Variants in TBC1D5 observed in about 807,000 individuals in gnomAD.
TBC1D5 encodes TBC1 domain family member 5.
TBC1D5 carries 75 observed loss-of-function variants against 100.3 expected under a neutral mutation model. The ratio of observed to expected loss-of-function variants is 0.75; its 90% CI spans 0.62 to 0.91. The LOEUF (loss-of-function observed/expected upper bound fraction) is 0.91. Among genes scored for constraint, TBC1D5 ranks in the 40% least tolerant of loss-of-function variants. The pLI, the probability that TBC1D5 is intolerant of heterozygous loss-of-function variation, is 0.00. For missense variants in TBC1D5, 910 were observed against 942.4 expected (o/e 0.97, Z 0.45); for synonymous variants, 323 against 325.6 (o/e 0.99, Z 0.09).
intron 16 of TBC1D5, among the ~76,000 whole-genome samples, chr3:17,251,439 A>AG (rs2077177499): frequency 2.6e-5 from 1 of 37,776 alleles, no homozygotes; most frequent in African/African-American, 6.5e-5. Flanking sequence ...CCCCCCCCCC[A>AG]GTAGAAGCGA....
At chr3:17,405,091 A>C (rs1273150301) in intron 5 of TBC1D5, 130 bp from the exon 6 acceptor site, 4 of 463,714 alleles carry the variant, frequency 8.6e-6, no homozygotes, top group Admixed American at 7.7e-5. Flanking sequence ...TCATCATTTC[A>C]ATTCCTACCA....
chr3:17,233,777 G>C (rs2075632064), intron 17 of TBC1D5, 27 bp from the exon 18 acceptor site: 2 of 1,453,128 alleles, frequency 1.4e-6, no homozygotes, highest in South Asian at 1.3e-5. Flanking sequence ...AAAATAATTA[G>C]ATTTCATAAA....
At position 17,512,926 on chromosome 3, in the gene TBC1D5, G is replaced by T. The variant is rs551429580; in HGVS notation, c.-35-4321C>A. Among the ~76,000 whole-genome samples the T allele has an allele frequency of 2.6e-5, 4 of 152,254 alleles. No individual in the cohort carries two copies. In the South Asian group the frequency reaches 8.3e-4, roughly 32 times the overall value. ...TAAAAGTGATCTGTCTGAAAGAAAA[G>T]ACTTCTTCTGCAAATAGTTAATTTT... On this transcript the variant is annotated intron_variant, in intron 2 of 21. Coordinates refer to ENST00000253692, the Ensembl canonical transcript of TBC1D5.
chr3:17,478,307 T>C (rs1375672764), intron 3 of TBC1D5, among the ~76,000 whole-genome samples: 1 of 152,206 alleles, frequency 6.6e-6, no homozygotes, highest in Non-Finnish European at 1.5e-5. Context: ...AATTAGTATC[T>C]GTGAAAAATT....
At chr3:17,543,743 C>T (rs1435450174) in intron 2 of TBC1D5, among the ~76,000 whole-genome samples, 2 of 151,910 alleles carry the variant, frequency 1.3e-5, no homozygotes, top group East Asian at 1.9e-4. Flanking sequence ...ATATTCAGTC[C>T]CGTGGTTATC....
At chr3:17,708,527 G>A (rs1455629403) in intron 1 of TBC1D5, among the ~76,000 whole-genome samples, 1 of 152,072 alleles carries the variant, frequency 6.6e-6, no homozygotes, top group Non-Finnish European at 1.5e-5. Context: ...TTTATTATGG[G>A]GGGGTCTGTC....
chr3:17,688,349 G>A (rs1254801213), intron 1 of TBC1D5, among the ~76,000 whole-genome samples: 1 of 151,968 alleles, frequency 6.6e-6, no homozygotes, highest in Non-Finnish European at 1.5e-5. Context: ...TCTCCTTTGA[G>A]GAATTGTAAC....
intron 15 of TBC1D5, among the ~76,000 whole-genome samples, chr3:17,285,289 C>T (rs1575129351): frequency 8.4e-6 from 1 of 118,888 alleles, no homozygotes; most frequent in East Asian, 3.3e-4. Flanking sequence ...GAGACGGAGT[C>T]TCGCTCTGTC....
chr3:17,237,815 TCA>T (rs1422282616), intron 17 of TBC1D5, among the ~76,000 whole-genome samples: 1 of 152,194 alleles, frequency 6.6e-6, no homozygotes, highest in Non-Finnish European at 1.5e-5. Context: ...CCGGAACTTC[TCA>T]TTTTGGATTC....
At chr3:17,396,779 G>C (rs946307313) in intron 8 of TBC1D5, among the ~76,000 whole-genome samples, 1 of 151,968 alleles carries the variant, frequency 6.6e-6, no homozygotes, top group African/African-American at 2.4e-5. Flanking sequence ...AGAAATAAAA[G>C]TAAATGTTTC....
chr3:17,163,278 T>G (rs2066268431), intron 21 of TBC1D5, among the ~76,000 whole-genome samples: 1 of 142,252 alleles, frequency 7.0e-6, no homozygotes, highest in East Asian at 2.3e-4. Flanking sequence ...CCTTGCCCCT[T>G]TGCATTACAG....
rs530135187 is a variant in TBC1D5, at chr3:17,422,702, T to C, written c.167+5748A>G. Among the ~76,000 whole-genome samples the C allele has an allele frequency of 3.3e-5, 5 of 152,192 alleles. No individual in the cohort carries two copies. The South Asian group carries it at 1.0e-3, about 32-fold the overall frequency. On this transcript the variant is annotated intron_variant, in intron 4 of 21. Transcript: ENST00000253692. ...CATACAAATGTAAAAGGTACTATAC[T>C]AAAAATAAATGTAAATGATGAAAAG...
chr3:17,380,225 G>A (rs775250319), intron 9 of TBC1D5, among the ~76,000 whole-genome samples: 1 of 151,900 alleles, frequency 6.6e-6, no homozygotes, highest in Non-Finnish European at 1.5e-5. Flanking sequence ...AAAAAGAATA[G>A]CATTAAATCA....
At chr3:17,259,799 G>A (rs757849561) in intron 15 of TBC1D5, among the ~76,000 whole-genome samples, 3 of 152,036 alleles carry the variant, frequency 2.0e-5, no homozygotes, top group Non-Finnish European at 4.4e-5. Context: ...GGCCATGATG[G>A]ACCTTTTCTT....
intron 2 of TBC1D5, chr3:17,576,607 C>G (rs1005815661): frequency 8.6e-5 from 13 of 151,946 alleles, no homozygotes; most frequent in Non-Finnish European, 5.9e-5. Context: ...TTTTTCAACA[C>G]TGTATTTCTA....
chr3:17,528,476 G>GCACTT (rs1398774407), intron 2 of TBC1D5, among the ~76,000 whole-genome samples: 1 of 152,100 alleles, frequency 6.6e-6, no homozygotes, highest in Non-Finnish European at 1.5e-5. Context: ...TCTTGATCTT[G>GCACTT]CACTTCCTAG....
intron 1 of TBC1D5, among the ~76,000 whole-genome samples, chr3:17,676,099 A>C (rs2068591660): frequency 6.6e-6 from 1 of 152,152 alleles, no homozygotes; most frequent in Admixed American, 6.6e-5. Context: ...TGATTACCCC[A>C]GGATGACAAC....
At chr3:17,569,397 T>G (rs900055489) in intron 2 of TBC1D5, among the ~76,000 whole-genome samples, 3 of 151,936 alleles carry the variant, frequency 2.0e-5, no homozygotes, top group African/African-American at 7.2e-5. Context: ...AGGATGCAAC[T>G]ATATAGATAT....
intron 2 of TBC1D5, among the ~76,000 whole-genome samples, chr3:17,593,287 CCT>C (rs2060350379): frequency 6.6e-6 from 1 of 152,210 alleles, no homozygotes; most frequent in Admixed American, 6.5e-5. Flanking sequence ...CCCAGCTGCC[CCT>C]GTCATCACCC....
Sources: allele counts gnomAD v4.1 joint callset (sites outside exome capture counted in the v4.1 genomes callset), GRCh38; gene constraint gnomAD v4.1.1; transcripts MANE v1.5; gene names NCBI Gene and HGNC (gene_info 2026-07-23, HGNC 2026-07-21).